The following GYG1 variants were observed in gnomAD, a reference collection of about 807,000 sequenced individuals.
GYG1 encodes the protein glycogenin 1.
A neutral mutation model predicts 41.9 loss-of-function variants in GYG1; 44 were observed. The ratio of observed to expected loss-of-function variants is 1.05; its 90% CI spans 0.83 to 1.35. The LOEUF (loss-of-function observed/expected upper bound fraction) is 1.35. GYG1 is among the 40% of genes most tolerant of loss of function. The pLI is 0.00. For missense variants in GYG1, 429 were observed against 418.9 expected, an observed-to-expected ratio of 1.02 and a Z score of -0.21; for synonymous variants, 141 against 158.1, an observed-to-expected ratio of 0.89 and a Z score of 0.81.
At chr3:149,018,867 A>G (rs1714212025) in intron 5 of GYG1, among the ~76,000 whole-genome samples, 1 of 152,104 alleles carries the variant, frequency 6.6e-6, no homozygotes, top group African/African-American at 2.4e-5. Context: ...AGCCTGGGCA[A>G]CATGGTGAAA....
chr3:149,002,845 AC>A (rs1252019865), intron 4 of GYG1, among the ~76,000 whole-genome samples: 1 of 152,050 alleles, frequency 6.6e-6, no homozygotes, highest in East Asian at 1.9e-4. Context: ...AAATGGTTAA[AC>A]CCCATCTCTA....
intron 6 of GYG1, among the ~76,000 whole-genome samples, chr3:149,025,983 A>G (rs1301049074): frequency 1.3e-5 from 2 of 152,214 alleles, no homozygotes; most frequent in Non-Finnish European, 2.9e-5. Flanking sequence ...AGTGCAAGGC[A>G]AAGGCAGGAC....
rs1430176245 is a variant in GYG1, at chr3:149,030,940, C to T, written c.*4007C>T. 1 of 152,148 alleles carries T rather than the reference C, an allele frequency of 6.6e-6. No individual in the cohort carries two copies. Among genetic ancestry groups the T allele is most frequent in the Non-Finnish European group, 1.5e-5 (1 of 68,022 alleles). The allele number at this position is 152,148 out of a possible 1,614,324, so 9.4% of individuals were successfully genotyped here. On this transcript the variant is annotated 3_prime_UTR_variant, in exon 8 of 8. Coordinates refer to ENST00000345003, the MANE Select transcript of GYG1 (RefSeq NM_004130.4). ...TCTCATCTTTCTATCAAATGACTTC[C>T]AACACTCTTAAGTCTCAGGTATTCT...
intron 5 of GYG1, among the ~76,000 whole-genome samples, chr3:149,019,447 T>C (rs1442076527): frequency 6.6e-6 from 1 of 152,238 alleles, no homozygotes; most frequent in Non-Finnish European, 1.5e-5. Context: ...CCTGTCTTGC[T>C]GGCACCCAAG....
Position 148,991,573 on chromosome 3 carries a change from T to C in GYG1, c.-68T>C. ...GTGCCTCCTCGCTGGCCGCGCTCCC[T>C]CCCGGTGCCGGCTTCTCTGAGTCAC... On this transcript the variant is annotated 5_prime_UTR_variant, in exon 1 of 8. Transcript: ENST00000345003. 1 of 1,535,352 alleles carries C rather than the reference T, an allele frequency of 6.5e-7. No homozygotes were observed.
chr3:148,991,696 GC>G, intron 1 of GYG1, 49 bp downstream of exon 1: 1 of 1,398,320 alleles, frequency 7.2e-7, no homozygotes, highest in Non-Finnish European at 9.7e-7. Context: ...CCGGCTTCCT[GC>G]CCAGCCGCCG....
chr3:149,026,738 TC>T (rs757381687), intron 7 of GYG1, 21 bp from the exon 8 acceptor site: 34 of 1,495,010 alleles, frequency 2.3e-5, no homozygotes, highest in Non-Finnish European at 3.0e-5. Flanking sequence ...TCTCATAGAG[TC>T]AATTATGCTT....
Position 148,991,644 on chromosome 3 carries a change from A to G in GYG1, c.4A>G (p.Thr2Ala), listed in dbSNP as rs1712471449. ...CGCCTGCGCACCCGGCAGCACCATGACAGGTACCGCCGCGCAGCCCGCCGC... is the reference window on the plus strand; with the variant it reads ...CGCCTGCGCACCCGGCAGCACCATGGCAGGTACCGCCGCGCAGCCCGCCGC... Reference protein sequence around the residue: MTDQAFVTLTTN... With the variant: MADQAFVTLTTN... The change falls in exon 1 of 8, where the codon ACA becomes GCA. Residue 2 changes from threonine to alanine, a missense_variant. Transcript: ENST00000345003. 3.9e-6 allele frequency: 6 copies of G among 1,545,718 alleles called. No individual in the cohort carries two copies. Among genetic ancestry groups the G allele is most frequent in the East Asian group, 2.4e-5 (1 of 41,248 alleles).
chr3:148,992,481 TG>T (rs1176414876), intron 1 of GYG1: 1 of 152,326 alleles, frequency 6.6e-6, no homozygotes, highest in Non-Finnish European at 1.5e-5. Context: ...GCTAGTCTGG[TG>T]TTCTAACCTG....
chr3:149,028,976 C>T lies in GYG1; in HGVS notation c.*2043C>T, dbSNP rs1049209031. Among the ~76,000 whole-genome samples the T allele has an allele frequency of 2.6e-5, 4 of 152,178 alleles. No individual in the cohort carries two copies. The highest frequency in any genetic ancestry group is 9.7e-5 in the African/African-American group (4 of 41,440). On this transcript the variant is annotated 3_prime_UTR_variant, in exon 8 of 8. Coordinates refer to ENST00000345003, the MANE Select transcript of GYG1 (RefSeq NM_004130.4). The stretch of plus-strand genomic sequence containing the variant: ...TCGTGATCCACCGGCCTTGGCCTCC[C>T]AAAGTGCTGGGATTACAGGCGTGAG...
intron 4 of GYG1, 61 bp downstream of exon 4, chr3:148,996,965 T>C (rs1712835588): frequency 8.2e-7 from 1 of 1,222,172 alleles, no homozygotes; most frequent in African/African-American, 1.5e-5. Context: ...GGGGCTGCTC[T>C]TCTCAGGAAT....
chr3:149,016,812 G>T (rs1254899379), intron 5 of GYG1, among the ~76,000 whole-genome samples: 1 of 152,202 alleles, frequency 6.6e-6, no homozygotes, highest in Non-Finnish European at 1.5e-5. Context: ...GAGAGGAGAG[G>T]TGTGCAGTTG....
chr3:149,010,492 A>G (rs1352077363), intron 5 of GYG1, among the ~76,000 whole-genome samples: 2 of 151,956 alleles, frequency 1.3e-5, no homozygotes, highest in Non-Finnish European at 2.9e-5. Flanking sequence ...ACACACGGCT[A>G]ATTTTTGTAT....
intron 3 of GYG1, 34 bp downstream of exon 3, chr3:148,996,510 A>G: frequency 1.4e-6 from 2 of 1,468,640 alleles, no homozygotes; most frequent in Admixed American, 1.7e-5. Context: ...AAAGAAAGAC[A>G]TATATATATA....
intron 5 of GYG1, among the ~76,000 whole-genome samples, chr3:149,019,733 G>A (rs1235515345): frequency 1.3e-5 from 2 of 152,246 alleles, no homozygotes; most frequent in Admixed American, 6.5e-5. Flanking sequence ...GTAGAGATCA[G>A]TGCCTGAGTC....
intron 3 of GYG1, 123 bp downstream of exon 3, chr3:148,996,599 AAT>A: frequency 8.3e-7 from 1 of 1,197,672 alleles, no homozygotes; most frequent in Non-Finnish European, 1.2e-6. Context: ...ACTGTCATGA[AAT>A]ATGTCAGGGG....
rs566702762 is a variant in GYG1, at chr3:149,026,842, G to A, written c.962G>A (p.Arg321Gln). ...MAQPFVSSEE[R>Q]KERWEQGQAD... ...CAGCCGTTTGTATCCTCGGAAGAACGGAAGGAACGATGGGAACAGGGCCAG... is the reference window on the plus strand; with the variant it reads ...CAGCCGTTTGTATCCTCGGAAGAACAGAAGGAACGATGGGAACAGGGCCAG... The change falls in exon 8 of 8, where the codon CGG becomes CAG. Residue 321 changes from arginine (R) to glutamine (Q), a missense_variant. Transcript: ENST00000345003. 21 of 1,613,836 alleles carry A rather than the reference G, an allele frequency of 1.3e-5. No homozygotes were observed. Among genetic ancestry groups the A allele is most frequent in the Non-Finnish European group, 1.8e-5 (21 of 1,179,876 alleles).
intron 5 of GYG1, among the ~76,000 whole-genome samples, chr3:149,017,698 G>A (rs1348335162): frequency 3.6e-5 from 5 of 138,462 alleles, no homozygotes; most frequent in South Asian, 4.8e-4. Context: ...TCCCAGGTTC[G>A]GTTCAAGTAA....
chr3:149,012,997 TTGTG>T (rs10575910), intron 5 of GYG1, among the ~76,000 whole-genome samples: 3,014 of 141,394 alleles, frequency 0.021, 61 homozygotes, highest in African/African-American at 0.057. Flanking sequence ...CTCAGTTAAT[TTGTG>T]TGTGTGTGTG....
Sources: gnomAD v4.1 joint callset for allele counts (sites outside exome capture counted in the v4.1 genomes callset) on GRCh38, gnomAD v4.1.1 for gene constraint, MANE v1.5 for transcripts, NCBI Gene and HGNC (gene_info 2026-07-23, HGNC 2026-07-21) for gene names.